Variants in PIAS1 observed in about 807,000 individuals in gnomAD.
PIAS1 encodes the protein protein inhibitor of activated STAT 1, also known as E3 SUMO-protein ligase PIAS1.
PIAS1 carries 6 observed loss-of-function variants against 71.3 expected under a neutral mutation model. The observed-to-expected ratio is 0.08, with a 90% confidence interval of 0.05 to 0.17. PIAS1 has a LOEUF of 0.17. PIAS1 is among the 10% of genes least tolerant of loss of function. The pLI, the probability that PIAS1 is intolerant of heterozygous loss-of-function variation, is 1.00. For missense variants in PIAS1, 555 were observed against 793.6 expected (o/e 0.70, Z 3.61); for synonymous variants, 303 against 292.9 (o/e 1.03, Z -0.35).
At position 68,136,086 on chromosome 15, in the gene PIAS1, C is replaced by A. The variant is rs1290689156; in HGVS notation, c.470-5860C>A. ...GCTCCTCACTTCCCAGACGGGATGGCGGCCGGGAAGAGGCACTCCTCACTT... is the reference window on the plus strand; with the variant it reads ...GCTCCTCACTTCCCAGACGGGATGGAGGCCGGGAAGAGGCACTCCTCACTT... On this transcript the variant is annotated intron_variant, in intron 2 of 13. Transcript: ENST00000249636. Among the ~76,000 whole-genome samples, 2 of 56,308 alleles carry A rather than the reference C, an allele frequency of 3.6e-5. 1 individual carries two copies. The allele number at this position is 56,308 out of a possible 152,430, so 36.9% of individuals were successfully genotyped here.
intron 7 of PIAS1, among the ~76,000 whole-genome samples, chr15:68,156,146 A>T (rs1435216185): frequency 6.6e-6 from 1 of 152,228 alleles, no homozygotes; most frequent in African/African-American, 2.4e-5. Context: ...TAAACAAGAC[A>T]CATACCATCT....
intron 1 of PIAS1, among the ~76,000 whole-genome samples, chr15:68,081,351 A>G (rs1317656410): frequency 1.3e-5 from 2 of 152,146 alleles, no homozygotes; most frequent in Non-Finnish European, 2.9e-5. Flanking sequence ...CAAACAAAAT[A>G]GCCAGGTTAT....
At chr15:68,084,122 T>G (rs2092256671) in intron 1 of PIAS1, among the ~76,000 whole-genome samples, 1 of 152,160 alleles carries the variant, frequency 6.6e-6, no homozygotes, top group Non-Finnish European at 1.5e-5. Context: ...ATCTGAATCT[T>G]TGTACCTATG....
chr15:68,128,298 C>A (rs932980375), intron 2 of PIAS1, among the ~76,000 whole-genome samples: 1 of 152,270 alleles, frequency 6.6e-6, no homozygotes, highest in South Asian at 2.1e-4. Context: ...TCCTGAGTAA[C>A]TTGGGTTACT....
At position 68,189,425 on chromosome 15, in the gene PIAS1, G is replaced by GTA. The variant is rs889477929; in HGVS notation, c.*1593_*1594dup. On this transcript the variant is annotated 3_prime_UTR_variant, in exon 14 of 14. Coordinates refer to ENST00000249636, the MANE Select transcript of PIAS1 (RefSeq NM_016166.3). ...CAGAGTTGATGAGGACCACCTTTGT[G>GTA]TATACACTTGTAGTTTTAAACCTTG... 6.6e-6 allele frequency: 1 copy of GTA among 152,170 alleles called. No homozygotes were observed. The highest frequency in any genetic ancestry group is 2.4e-5 in the African/African-American group (1 of 41,460). The allele number at this position is 152,170 out of a possible 1,614,324, so 9.4% of individuals were successfully genotyped here.
Position 68,174,176 on chromosome 15 carries a change from TTTCC to T in PIAS1, c.1169+287_1169+290del. On this transcript the variant is annotated intron_variant, in intron 9 of 13. Coordinates refer to ENST00000249636, the MANE Select transcript of PIAS1 (RefSeq NM_016166.3). This position sits in a 1 kb window ranked among gnomAD's most constrained non-coding sequence, Gnocchi z 4.0. ...TTTTAAGCAGGGTGTGCTTATACCT[TTTCC>T]TTTTCCTGTCATTAGTCCATCCATC... Among the ~76,000 whole-genome samples the T allele has an allele frequency of 6.6e-6, 1 of 152,234 alleles. No individual in the cohort carries two copies. The highest frequency in any genetic ancestry group is 1.5e-5 in the Non-Finnish European group (1 of 68,044).
intron 2 of PIAS1, among the ~76,000 whole-genome samples, chr15:68,092,931 T>C (rs1350802003): frequency 6.6e-6 from 1 of 152,226 alleles, no homozygotes; most frequent in Non-Finnish European, 1.5e-5. Context: ...TTTTAGCCAA[T>C]CTAGTTGAAA....
Position 68,178,695 on chromosome 15 carries a change from T to A in PIAS1, c.1481+2041T>A, listed in dbSNP as rs2093034724. ...AAACCTCTGGATATATAAATACTTTTGGGCTAAATGCATCATAATATATAT... is the reference window on the plus strand; with the variant it reads ...AAACCTCTGGATATATAAATACTTTAGGGCTAAATGCATCATAATATATAT... On this transcript the variant is annotated intron_variant, in intron 11 of 13. Coordinates refer to ENST00000249636, the MANE Select transcript of PIAS1 (RefSeq NM_016166.3). This position sits in a 1 kb window ranked among gnomAD's most constrained non-coding sequence, Gnocchi z 4.2. 6.6e-6 allele frequency among the ~76,000 whole-genome samples: 1 copy of A among 152,220 alleles called. No homozygotes were observed. Among genetic ancestry groups the A allele is most frequent in the Non-Finnish European group, 1.5e-5 (1 of 68,030 alleles).
intron 11 of PIAS1, among the ~76,000 whole-genome samples, chr15:68,176,968 G>A (rs1033090170): frequency 6.6e-6 from 1 of 152,152 alleles, no homozygotes; most frequent in East Asian, 1.9e-4. Flanking sequence ...TCTGAGTCAG[G>A]AGTAGAGACT....
At position 68,164,716 on chromosome 15, in the gene PIAS1, T is replaced by G. The variant is rs772952348; in HGVS notation, c.935-15T>G. 6.6e-7 allele frequency: 1 copy of G among 1,508,130 alleles called. No individual in the cohort carries two copies. Among genetic ancestry groups the G allele is most frequent in the South Asian group, 1.2e-5 (1 of 84,500 alleles). 93.4% of individuals were successfully genotyped at this position (1,508,130 alleles called of 1,614,324 possible). ...ACTCTGTTTGCTTTTTTTCTTCTTC[T>G]TCAATGAATATCAGTTAAAGAGAAG... is the stretch of plus-strand genomic sequence containing the variant. On this transcript the variant is annotated splice_polypyrimidine_tract_variant and intron_variant, in intron 7 of 13. Transcript: ENST00000249636.
chr15:68,065,607 A>T (rs1482345923), intron 1 of PIAS1, among the ~76,000 whole-genome samples: 1 of 151,936 alleles, frequency 6.6e-6, no homozygotes, highest in African/African-American at 2.4e-5. Flanking sequence ...AAAAAAAGAA[A>T]AAATTTATTT....
intron 8 of PIAS1, among the ~76,000 whole-genome samples, chr15:68,166,196 A>G (rs2092956833): frequency 6.6e-6 from 1 of 152,026 alleles, no homozygotes; most frequent in Non-Finnish European, 1.5e-5. Flanking sequence ...CCTTTTTATA[A>G]TAAAGCCAAT....
At chr15:68,134,396 G>A (rs2092705298) in intron 2 of PIAS1, among the ~76,000 whole-genome samples, 1 of 51,950 alleles carries the variant, frequency 1.9e-5, no homozygotes, top group African/African-American at 4.1e-5. Context: ...AGACAGGGCG[G>A]CTGGCCGGGC....
chr15:68,056,590 T>C (rs578156369), intron 1 of PIAS1, among the ~76,000 whole-genome samples: 9 of 152,138 alleles, frequency 5.9e-5, no homozygotes, highest in Non-Finnish European at 1.3e-4. Flanking sequence ...CATGTTGGTA[T>C]GTCATTGTGT....
intron 11 of PIAS1, among the ~76,000 whole-genome samples, chr15:68,179,561 G>GTTTTTTTTTTTTTTTTTTT (rs1307028845): frequency 3.3e-5 from 1 of 30,190 alleles, no homozygotes; most frequent in Non-Finnish European, 9.8e-5. Flanking sequence ...CTCGTGAAAT[G>GTTTTTTTTTTTTTTTTTTT]TTCTTTTTTT....
intron 6 of PIAS1, among the ~76,000 whole-genome samples, chr15:68,147,513 A>G (rs549209743): frequency 1.3e-5 from 2 of 152,016 alleles, no homozygotes; most frequent in South Asian, 2.1e-4. Context: ...TTTTATTTTT[A>G]TGTTATTTAA....
intron 1 of PIAS1, among the ~76,000 whole-genome samples, chr15:68,073,150 G>A (rs894777312): frequency 6.6e-6 from 1 of 152,026 alleles, no homozygotes; most frequent in South Asian, 2.1e-4. Flanking sequence ...TGAGTAGCTG[G>A]GACTACAGGT....
intron 8 of PIAS1, among the ~76,000 whole-genome samples, chr15:68,168,827 G>A (rs959794797): frequency 7.2e-5 from 11 of 152,120 alleles, no homozygotes; most frequent in African/African-American, 2.7e-4. Flanking sequence ...CTGTGTCAGC[G>A]TTCCTTAAAA....
intron 2 of PIAS1, chr15:68,088,007 C>A: frequency 4.3e-6 from 1 of 230,338 alleles, no homozygotes; most frequent in Non-Finnish European, 9.1e-6. Context: ...AATGGAATTG[C>A]CAAAGTTCCT....
Sources: allele counts gnomAD v4.1 joint callset (sites outside exome capture counted in the v4.1 genomes callset), GRCh38; gene constraint gnomAD v4.1.1; non-coding constraint Gnocchi (gnomAD v3.1); transcripts MANE v1.5; gene names NCBI Gene and HGNC (gene_info 2026-07-23, HGNC 2026-07-21).